TMEM135: variants seen among roughly 807,000 people sequenced by gnomAD.
TMEM135 encodes transmembrane protein 135, also known as peroxisomal membrane protein 52.
TMEM135 carries 30 observed loss-of-function variants against 60.3 expected under a neutral mutation model. That is an observed-to-expected ratio of 0.50 (90% CI 0.37 to 0.68). The LOEUF (loss-of-function observed/expected upper bound fraction) is 0.68, where lower values mean the gene tolerates loss of function less well. TMEM135 is among the 30% of genes least tolerant of loss of function. The pLI, the probability that TMEM135 is intolerant of heterozygous loss-of-function variation, is 0.00. For synonymous variants in TMEM135, 190 were observed against 186.7 expected (o/e 1.02, Z -0.14); for missense variants, 468 against 548.8 (o/e 0.85, Z 1.47).
At chr11:87,044,063 C>T (rs1949773983) in intron 1 of TMEM135, among the ~76,000 whole-genome samples, 1 of 151,982 alleles carries the variant, frequency 6.6e-6, no homozygotes, top group African/African-American at 2.4e-5. Flanking sequence ...TTTCACTGAC[C>T]TTTAGATGTT....
chr11:87,237,582 T>C (rs1941027728), intron 6 of TMEM135, among the ~76,000 whole-genome samples: 1 of 151,980 alleles, frequency 6.6e-6, no homozygotes, highest in Admixed American at 6.6e-5. Context: ...ATTTTTATTT[T>C]TAATTTTTGT....
At chr11:87,144,098 T>C (rs536706894) in intron 4 of TMEM135, among the ~76,000 whole-genome samples, 1 of 151,766 alleles carries the variant, frequency 6.6e-6, no homozygotes, top group South Asian at 2.1e-4. Context: ...AACTAATATA[T>C]GTACCTGATT....
chr11:87,111,575 C>G (rs570026417), intron 4 of TMEM135, among the ~76,000 whole-genome samples: 1 of 148,198 alleles, frequency 6.7e-6, no homozygotes, highest in Non-Finnish European at 1.5e-5. Flanking sequence ...GGCGTGAACC[C>G]GGGAGGTGGA....
intron 4 of TMEM135, among the ~76,000 whole-genome samples, chr11:87,148,143 T>A (rs1191548833): frequency 6.6e-6 from 1 of 152,216 alleles, no homozygotes; most frequent in Admixed American, 6.5e-5. Context: ...TTAATCATCT[T>A]AGATGTAATA....
chr11:87,083,205 G>A (rs1857026525), intron 3 of TMEM135, among the ~76,000 whole-genome samples: 1 of 152,162 alleles, frequency 6.6e-6, no homozygotes, highest in Admixed American at 6.5e-5. Flanking sequence ...GAGCTTTGAG[G>A]TTGTTTCCAG....
In TMEM135 at chr11:87,081,684, G is replaced by GT. The variant is rs35028039; in HGVS notation, c.363-9664dup. On this transcript the variant is annotated intron_variant, in intron 3 of 14. Transcript: ENST00000305494. ...TTATTTTCACTTTTGATAGCTGAGG[G>GT]TTTTTTTTTTTTTTAAGCTTTCTGT... Among the ~76,000 whole-genome samples, 55 of 143,466 alleles carry GT rather than the reference G, an allele frequency of 3.8e-4. No individual in the cohort carries two copies. The South Asian group carries it at 4.4e-3, about 11-fold the overall frequency. 94.1% of individuals were successfully genotyped at this position (143,466 alleles called of 152,430 possible). A position where few individuals can be genotyped will look rare whatever the true frequency, so the allele number is the denominator to read the frequency against.
At chr11:87,181,352 A>G (rs1014362745) in intron 5 of TMEM135, among the ~76,000 whole-genome samples, 1 of 152,192 alleles carries the variant, frequency 6.6e-6, no homozygotes, top group Non-Finnish European at 1.5e-5. Flanking sequence ...AAGGTATAAC[A>G]ATTACGTCAT....
chr11:87,080,361 C>A (rs1263196974), intron 3 of TMEM135, among the ~76,000 whole-genome samples: 1 of 151,932 alleles, frequency 6.6e-6, no homozygotes, highest in Non-Finnish European at 1.5e-5. Context: ...GTTGAGATAA[C>A]CAAAAATTCC....
At chr11:87,296,288 C>T (rs981774493) in intron 7 of TMEM135, among the ~76,000 whole-genome samples, 2 of 152,114 alleles carry the variant, frequency 1.3e-5, no homozygotes, top group African/African-American at 4.8e-5. Context: ...ATAGTATATA[C>T]TGTAGAAATG....
At chr11:87,171,944 C>G (rs368665098) in intron 5 of TMEM135, among the ~76,000 whole-genome samples, 3 of 152,262 alleles carry the variant, frequency 2.0e-5, no homozygotes, top group African/African-American at 7.2e-5. Flanking sequence ...AGGCCAAGCT[C>G]AGGCAGTAAT....
intron 1 of TMEM135, among the ~76,000 whole-genome samples, chr11:87,063,474 T>A (rs1949968391): frequency 6.6e-6 from 1 of 152,228 alleles, no homozygotes; most frequent in Non-Finnish European, 1.5e-5. Context: ...TATACATGAG[T>A]GCAAGTGCTA....
At position 87,321,899 on chromosome 11, in the gene TMEM135, A is replaced by C. The variant is rs1245034867; in HGVS notation, c.*566A>C. ...AGAAGTGGCCATTCTTACTTCAGGGATGCAAAGATGGGTCTCATACCATTT... is the reference window on the plus strand; with the variant it reads ...AGAAGTGGCCATTCTTACTTCAGGGCTGCAAAGATGGGTCTCATACCATTT... On this transcript the variant is annotated 3_prime_UTR_variant, in exon 15 of 15. Coordinates refer to ENST00000305494, the MANE Select transcript of TMEM135 (RefSeq NM_022918.4). 1 of 454,430 alleles carries C rather than the reference A, an allele frequency of 2.2e-6. No homozygotes were observed. The highest frequency in any genetic ancestry group is 4.4e-6 in the Non-Finnish European group (1 of 226,760). 28.1% of individuals were successfully genotyped at this position (454,430 alleles called of 1,614,324 possible). A position where few individuals can be genotyped will look rare whatever the true frequency, so the allele number is the denominator to read the frequency against.
In TMEM135 at chr11:87,313,463, T is replaced by G; in HGVS notation, c.975T>G (p.Asp325Glu). Residue 325 changes from aspartate to glutamate, a missense_variant, in exon 11 of 15, where the codon GAT becomes GAG. Coordinates refer to ENST00000305494, the MANE Select transcript of TMEM135 (RefSeq NM_022918.4). The stretch of plus-strand genomic sequence containing the variant: ...TCCTGCGCTGGATCAGAAACTTAGA[T>G]GATGAACTACATGCTATTATAGCTG... ...SCFLRWIRNL[D>E]DELHAIIAGF... is the part of the protein sequence containing the mutation. 1.2e-6 allele frequency: 2 copies of G among 1,611,092 alleles called. No individual in the cohort carries two copies.
intron 5 of TMEM135, among the ~76,000 whole-genome samples, chr11:87,236,132 T>G (rs987814864): frequency 5.3e-5 from 8 of 151,944 alleles, no homozygotes; most frequent in Non-Finnish European, 1.0e-4. Flanking sequence ...AAAAATTAGC[T>G]GTTCCCTTTT....
At chr11:87,242,120 C>T (rs470728) in intron 6 of TMEM135, among the ~76,000 whole-genome samples, 96,696 of 148,034 alleles carry the variant, frequency 0.65, 32,022 homozygotes, top group Non-Finnish European at 0.7. Flanking sequence ...TTTGTCCTTG[C>T]GATAGTTTAC....
intron 10 of TMEM135, among the ~76,000 whole-genome samples, chr11:87,313,092 T>C (rs1942668985): frequency 6.6e-6 from 1 of 151,852 alleles, no homozygotes. Flanking sequence ...GACAGACTTG[T>C]AGTTTAGCCA....
intron 3 of TMEM135, among the ~76,000 whole-genome samples, chr11:87,073,979 T>C (rs768211931): frequency 2.6e-5 from 4 of 152,076 alleles, no homozygotes; most frequent in Non-Finnish European, 5.9e-5. Flanking sequence ...TATTTTATTT[T>C]TTTTGGGACA....
intron 5 of TMEM135, among the ~76,000 whole-genome samples, chr11:87,166,929 A>T (rs891733311): frequency 1.1e-4 from 17 of 152,094 alleles, no homozygotes; most frequent in African/African-American, 3.9e-4. Context: ...ACTTCTTCCT[A>T]TCCATGAGCA....
chr11:87,295,638 T>C (rs889147965), intron 6 of TMEM135, 144 bp from the exon 7 acceptor site: 10 of 624,294 alleles, frequency 1.6e-5, no homozygotes, highest in African/African-American at 3.7e-5. Context: ...ACTTCATTGC[T>C]TGTTGCTCTT....
Sources: allele counts gnomAD v4.1 joint callset (sites outside exome capture counted in the v4.1 genomes callset), GRCh38; gene constraint gnomAD v4.1.1; transcripts MANE v1.5; gene names NCBI Gene and HGNC (gene_info 2026-07-23, HGNC 2026-07-21).